RIMS1: variants seen among roughly 807,000 people sequenced by gnomAD.
The protein encoded by RIMS1 is regulating synaptic membrane exocytosis protein 1.
A neutral mutation model predicts 214.1 loss-of-function variants in RIMS1; 83 were observed. The observed-to-expected ratio is 0.39, with a 90% CI of 0.32 to 0.47. RIMS1 has a LOEUF of 0.47. Among genes scored for constraint, RIMS1 ranks in the 20% least tolerant of loss-of-function variants. RIMS1 has a pLI of 0.99. For missense variants in RIMS1, 2,050 were observed against 2,161.8 expected (o/e 0.95, Z 1.03); for synonymous variants, 793 against 786.8 (o/e 1.01, Z -0.13).
At chr6:71,941,509 G>T (rs1561931102) in intron 1 of RIMS1, among the ~76,000 whole-genome samples, 1 of 152,050 alleles carries the variant, frequency 6.6e-6, no homozygotes, top group Admixed American at 6.6e-5. Flanking sequence ...GTAGCAATTT[G>T]ATTTTATTTT....
chr6:72,130,810 C>T (rs2040315835), intron 4 of RIMS1, among the ~76,000 whole-genome samples: 1 of 152,036 alleles, frequency 6.6e-6, no homozygotes, highest in Non-Finnish European at 1.5e-5. Context: ...CACTAAGGCA[C>T]TGAAAAATAA....
At chr6:71,949,950 A>G (rs1422235619) in intron 1 of RIMS1, among the ~76,000 whole-genome samples, 1 of 152,218 alleles carries the variant, frequency 6.6e-6, no homozygotes, top group African/African-American at 2.4e-5. Flanking sequence ...GACAAAAGCT[A>G]GACACAATAA....
intron 2 of RIMS1, among the ~76,000 whole-genome samples, chr6:72,052,714 AG>A (rs1328346004): frequency 6.6e-6 from 1 of 152,204 alleles, no homozygotes; most frequent in Admixed American, 6.5e-5. Context: ...GAGCTAAATG[AG>A]ATGCTATAGG....
chr6:72,316,792 G>A, intron 28 of RIMS1: 2 of 729,294 alleles, frequency 2.7e-6, no homozygotes, highest in African/African-American at 1.7e-5. Context: ...GGTAGACACT[G>A]GGGACAGTAG....
chr6:72,053,023 G>A (rs943863378), intron 2 of RIMS1, among the ~76,000 whole-genome samples: 4 of 152,164 alleles, frequency 2.6e-5, no homozygotes, highest in Admixed American at 1.3e-4. Context: ...AGAGCTGAAC[G>A]ATAGCCTCAT....
chr6:72,082,830 T>C (rs1833741762), intron 2 of RIMS1, among the ~76,000 whole-genome samples: 1 of 152,104 alleles, frequency 6.6e-6, no homozygotes, highest in African/African-American at 2.4e-5. Context: ...GAAGAGTTTG[T>C]CCAGGGAGAT....
rs942601665 is a variant in RIMS1, at chr6:72,392,547, T to C, written c.4506-151T>C. 2.8e-5 allele frequency: 19 copies of C among 681,856 alleles called. No individual in the cohort carries two copies. The South Asian group carries it at 3.0e-4, about 11-fold the overall frequency. 42.2% of individuals were successfully genotyped at this position (681,856 alleles called of 1,614,324 possible). A position where few individuals can be genotyped will look rare whatever the true frequency, so the allele number is the denominator to read the frequency against. On this transcript the variant is annotated intron_variant, in intron 30 of 33. Transcript: ENST00000521978. ...CAATGTTAAGCCTCATATGCTTGGC[T>C]CAAAGGCAATGCAAAGAATCAATTA...
At chr6:72,085,569 T>C (rs1417895798) in intron 2 of RIMS1, among the ~76,000 whole-genome samples, 3 of 152,170 alleles carry the variant, frequency 2.0e-5, no homozygotes. Flanking sequence ...TGAAATGAGA[T>C]GACAGATCTG....
chr6:72,165,711 G>T (rs1333419549), intron 4 of RIMS1, among the ~76,000 whole-genome samples: 1 of 152,182 alleles, frequency 6.6e-6, no homozygotes, highest in East Asian at 1.9e-4. Context: ...CAGATTTGAA[G>T]CTGGAACCCA....
rs1403678524 is a variant in RIMS1 at position 72,120,673 on chromosome 6, T to A, written c.471+20687T>A. 9.2e-5 allele frequency among the ~76,000 whole-genome samples: 14 copies of A among 151,838 alleles called. 1 individual carries two copies. Among genetic ancestry groups the A allele is most frequent in the African/African-American group, 2.2e-4 (9 of 41,522 alleles). On this transcript the variant is annotated intron_variant, in intron 4 of 33. Transcript: ENST00000521978. ...TTAGTTTAATTAGATCCCATTTGTCTATTTTGGCTTTTGTTGCCATTGCTT... is the reference window on the plus strand; with the variant it reads ...TTAGTTTAATTAGATCCCATTTGTCAATTTTGGCTTTTGTTGCCATTGCTT...
intron 2 of RIMS1, among the ~76,000 whole-genome samples, chr6:72,040,256 G>T (rs564573680): frequency 6.6e-6 from 1 of 152,030 alleles, no homozygotes; most frequent in East Asian, 1.9e-4. Context: ...AATTCCCCTG[G>T]AAGACTAGTG....
chr6:72,237,751 A>T lies in RIMS1; in HGVS notation c.1858-72A>T, dbSNP rs2064859809. Reference sequence around the variant, plus strand: ...CAAGTGTATCATAAAAGAATGTAGGATTAATTCCTCAAACTAATAAGCTTA... The same window carrying T: ...CAAGTGTATCATAAAAGAATGTAGGTTTAATTCCTCAAACTAATAAGCTTA... On this transcript the variant is annotated intron_variant, in intron 8 of 33. Transcript: ENST00000521978. 1.0e-5 allele frequency: 11 copies of T among 1,076,868 alleles called. 1 individual carries two copies. The East Asian group carries it at 2.4e-4, about 23-fold the overall frequency. 66.7% of individuals were successfully genotyped at this position (1,076,868 alleles called of 1,614,324 possible). A position where few individuals can be genotyped will look rare whatever the true frequency, so the allele number is the denominator to read the frequency against.
In RIMS1 at chr6:72,116,590, T is replaced by A. The variant is rs376291216; in HGVS notation, c.471+16604T>A. Among the ~76,000 whole-genome samples the A allele has an allele frequency of 1.2e-3, 177 of 152,106 alleles. 6 individuals carry two copies. The South Asian group carries it at 0.036, about 31-fold the overall frequency. ...CCCTACTTTATAGAGGTCTGCAAAC[T>A]TTTTCTGTAAAGGATGAGAGAGTAA... On this transcript the variant is annotated intron_variant, in intron 4 of 33. Transcript: ENST00000521978.
At chr6:72,284,188 A>T in intron 24 of RIMS1, 70 bp downstream of exon 24, 2 of 1,281,470 alleles carry the variant, frequency 1.6e-6, no homozygotes, top group Non-Finnish European at 2.3e-6. Flanking sequence ...TGTCACTCTC[A>T]TTTTACATGA....
chr6:71,888,216 A>G (rs897931342), intron 1 of RIMS1, among the ~76,000 whole-genome samples: 7 of 152,124 alleles, frequency 4.6e-5, no homozygotes, highest in African/African-American at 1.7e-4. Context: ...CATAGAGTAG[A>G]GCTGAAGGAG....
At chr6:71,989,828 C>G (rs1801054679) in intron 2 of RIMS1, among the ~76,000 whole-genome samples, 1 of 152,162 alleles carries the variant, frequency 6.6e-6, no homozygotes, top group South Asian at 2.1e-4. Context: ...GATGCACAGT[C>G]TTTGCTGTGT....
At chr6:72,040,586 C>A (rs1821162084) in intron 2 of RIMS1, among the ~76,000 whole-genome samples, 1 of 151,836 alleles carries the variant, frequency 6.6e-6, no homozygotes, top group Non-Finnish European at 1.5e-5. Flanking sequence ...TGTACTGTTT[C>A]ATATATTTTG....
intron 6 of RIMS1, among the ~76,000 whole-genome samples, chr6:72,196,206 G>A (rs2050839142): frequency 6.6e-6 from 1 of 151,976 alleles, no homozygotes; most frequent in South Asian, 2.1e-4. Flanking sequence ...CATTAAGAGG[G>A]TTTGCAATTC....
rs190186384 is a variant in RIMS1, at chr6:72,377,746, G to A, written c.4367-12852G>A. 2.5e-4 allele frequency among the ~76,000 whole-genome samples: 38 copies of A among 152,036 alleles called. No individual in the cohort carries two copies. In the East Asian group the frequency reaches 7.1e-3, roughly 29 times the overall value. On this transcript the variant is annotated intron_variant, in intron 29 of 33. Coordinates refer to ENST00000521978, the MANE Select transcript of RIMS1 (RefSeq NM_014989.7). ...ATTCATCTTGTTCTTAGGAAATCAT[G>A]GCCAATCCTGATATGATCAATGTAT... is the stretch of plus-strand genomic sequence containing the variant.
Sources: gnomAD v4.1 joint callset for allele counts (sites outside exome capture counted in the v4.1 genomes callset) on GRCh38, gnomAD v4.1.1 for gene constraint, MANE v1.5 for transcripts, NCBI Gene and HGNC (gene_info 2026-07-23, HGNC 2026-07-21) for gene names.